The following PLS1 variants were observed in gnomAD, a reference collection of about 807,000 sequenced individuals.
The protein encoded by PLS1 is plastin-1.
PLS1 carries 32 observed loss-of-function variants against 73.7 expected under a neutral mutation model. The observed-to-expected ratio is 0.43, with a 90% CI of 0.33 to 0.58. The LOEUF (loss-of-function observed/expected upper bound fraction) is 0.58, where lower values mean the gene tolerates loss of function less well. PLS1 is among the 20% of genes least tolerant of loss of function. PLS1 has a pLI of 0.04. For missense variants in PLS1, 633 were observed against 740.5 expected (o/e 0.85, Z 1.68); for synonymous variants, 217 against 261.3 (o/e 0.83, Z 1.63).
At chr3:142,692,442 CAT>C (rs1560072235) in intron 10 of PLS1, among the ~76,000 whole-genome samples, 1 of 152,128 alleles carries the variant, frequency 6.6e-6, no homozygotes, top group Non-Finnish European at 1.5e-5. Flanking sequence ...ATCTGGAACA[CAT>C]ATATCTTTGT....
chr3:142,599,852 C>G (rs2035884183), intron 1 of PLS1, among the ~76,000 whole-genome samples: 1 of 152,056 alleles, frequency 6.6e-6, no homozygotes, highest in African/African-American at 2.4e-5. Flanking sequence ...CCTCCCCGGG[C>G]TCAAGTGATC....
chr3:142,631,192 C>T (rs1004986215), intron 1 of PLS1, among the ~76,000 whole-genome samples: 8 of 151,508 alleles, frequency 5.3e-5, no homozygotes, highest in South Asian at 4.2e-4. Flanking sequence ...GCCTTAGCAA[C>T]ATGGCAAAAT....
chr3:142,697,679 C>T (rs1038482437), intron 11 of PLS1, among the ~76,000 whole-genome samples: 5 of 152,148 alleles, frequency 3.3e-5, no homozygotes, highest in African/African-American at 1.2e-4. Context: ...GTTTACTTAA[C>T]AGCTCCCTAC....
At chr3:142,611,064 C>T (rs1379179511) in intron 1 of PLS1, among the ~76,000 whole-genome samples, 2 of 152,210 alleles carry the variant, frequency 1.3e-5, no homozygotes, top group Non-Finnish European at 2.9e-5. Flanking sequence ...AATATGTTCA[C>T]GAATAAGCAT....
At chr3:142,707,115 C>A (rs1320775442) in intron 14 of PLS1, among the ~76,000 whole-genome samples, 1 of 152,098 alleles carries the variant, frequency 6.6e-6, no homozygotes, top group Admixed American at 6.6e-5. Context: ...GCAGAAACAT[C>A]GCGAAAGTGC....
At chr3:142,709,374 T>G (rs1222822786) in intron 14 of PLS1, among the ~76,000 whole-genome samples, 1 of 152,152 alleles carries the variant, frequency 6.6e-6, no homozygotes, top group African/African-American at 2.4e-5. Flanking sequence ...AGGACCTAAT[T>G]ATTTTTACCC....
At chr3:142,616,646 A>T (rs550029591) in intron 1 of PLS1, among the ~76,000 whole-genome samples, 1 of 152,138 alleles carries the variant, frequency 6.6e-6, no homozygotes, top group African/African-American at 2.4e-5. Flanking sequence ...TCGGCCACCC[A>T]GGCTGAAGTA....
At chr3:142,631,663 A>AG (rs1248109060) in intron 1 of PLS1, among the ~76,000 whole-genome samples, 5 of 115,066 alleles carry the variant, frequency 4.3e-5, no homozygotes, top group South Asian at 3.0e-4. Context: ...CCCTGTCTCT[A>AG]GAAAAAAAAA....
intron 1 of PLS1, among the ~76,000 whole-genome samples, chr3:142,635,009 A>G (rs1255061393): frequency 6.6e-6 from 1 of 151,542 alleles, no homozygotes; most frequent in Non-Finnish European, 1.5e-5. Flanking sequence ...TAGCCTCTGA[A>G]CTCCTGGGCT....
intron 1 of PLS1, among the ~76,000 whole-genome samples, chr3:142,618,286 A>C (rs1476634060): frequency 6.6e-6 from 1 of 152,094 alleles, no homozygotes; most frequent in Admixed American, 6.6e-5. Context: ...TGCATCTCCC[A>C]AGTGATAGCT....
At chr3:142,629,025 C>A (rs2036493768) in intron 1 of PLS1, among the ~76,000 whole-genome samples, 1 of 152,074 alleles carries the variant, frequency 6.6e-6, no homozygotes, top group Admixed American at 6.5e-5. Context: ...TGGACTTGTT[C>A]CTCACACTTG....
intron 2 of PLS1, among the ~76,000 whole-genome samples, chr3:142,669,108 G>A (rs2037544835): frequency 6.6e-6 from 1 of 152,102 alleles, no homozygotes; most frequent in African/African-American, 2.4e-5. Context: ...GGGCAGTGGT[G>A]CGATCATAGC....
intron 1 of PLS1, among the ~76,000 whole-genome samples, chr3:142,624,059 C>G (rs1170234521): frequency 6.6e-6 from 1 of 151,996 alleles, no homozygotes; most frequent in African/African-American, 2.4e-5. Flanking sequence ...CAAAACTCTG[C>G]TTTTTTTCTA....
chr3:142,675,840 A>G (rs111395670), intron 4 of PLS1, among the ~76,000 whole-genome samples: 2,759 of 151,972 alleles, frequency 0.018, 87 homozygotes, highest in African/African-American at 0.062. Flanking sequence ...ATGCCTGGCT[A>G]ATTTTTGTAT....
chr3:142,695,608 G>T (rs558380766), intron 11 of PLS1, among the ~76,000 whole-genome samples: 11 of 152,086 alleles, frequency 7.2e-5, no homozygotes, highest in Admixed American at 7.2e-4. Flanking sequence ...ATATAGTCAA[G>T]AAAAAAGAAT....
intron 2 of PLS1, among the ~76,000 whole-genome samples, chr3:142,665,521 A>G (rs6785894): frequency 0.69 from 104,863 of 151,992 alleles, 37,805 homozygotes; most frequent in African/African-American, 0.9. Flanking sequence ...ATCTTTTCAA[A>G]ACAAAAACTG....
chr3:142,695,757 CTTACTTAT>C (rs752946505), intron 11 of PLS1, among the ~76,000 whole-genome samples: 33,936 of 134,938 alleles, frequency 0.25, 4,623 homozygotes, highest in African/African-American at 0.45. Context: ...AGTAAGGAGA[CTTACTTAT>C]TTATTTATTT....
At chr3:142,631,543 C>G (rs932236485) in intron 1 of PLS1, among the ~76,000 whole-genome samples, 1 of 150,304 alleles carries the variant, frequency 6.7e-6, no homozygotes, top group Non-Finnish European at 1.5e-5. Context: ...TGCCTGTGGT[C>G]CCAGCTACTC....
Position 142,708,495 on chromosome 3 carries a change from CTTGGCCTCCCAAAGTG to C in PLS1, c.1630-3001_1630-2986del, listed in dbSNP as rs531578394. On this transcript the variant is annotated intron_variant, in intron 14 of 15. Transcript: ENST00000457734. Reference sequence around the variant, plus strand: ...TCTCCTGACCTCCTGATCTGCCTGCCTTGGCCTCCCAAAGTGTTGGGATTACAGGCATGAGCCACCA... The same window carrying C: ...TCTCCTGACCTCCTGATCTGCCTGCCTTGGGATTACAGGCATGAGCCACCA... Among the ~76,000 whole-genome samples, 387 of 152,358 alleles carry C rather than the reference CTTGGCCTCCCAAAGTG, an allele frequency of 2.5e-3. 2 individuals are homozygous for C. Among genetic ancestry groups the C allele is most frequent in the African/African-American group, 9.0e-3 (375 of 41,588 alleles).
Sources: allele counts gnomAD v4.1 joint callset (sites outside exome capture counted in the v4.1 genomes callset), GRCh38; gene constraint gnomAD v4.1.1; transcripts MANE v1.5; gene names NCBI Gene and HGNC (gene_info 2026-07-23, HGNC 2026-07-21).